MYO1D: variants seen among roughly 807,000 people sequenced by gnomAD.
MYO1D encodes the protein myosin ID.
MYO1D carries 83 observed loss-of-function variants against 122.0 expected under a neutral mutation model. The observed-to-expected ratio is 0.68, with a 90% CI of 0.57 to 0.82. MYO1D has a LOEUF of 0.82. MYO1D is among the 40% of genes least tolerant of loss of function. The probability of loss-of-function intolerance (pLI) is 0.00; values close to 1 mark genes in which losing one functional copy is unlikely to be tolerated. For synonymous variants in MYO1D, 464 were observed against 446.9 expected (o/e 1.04, Z -0.48); for missense variants, 1,157 against 1,269.5 (o/e 0.91, Z 1.35).
chr17:32,747,341 G>A (rs143420079), intron 12 of MYO1D, among the ~76,000 whole-genome samples: 516 of 152,234 alleles, frequency 3.4e-3, no homozygotes, highest in African/African-American at 0.012. Context: ...AAGATGAGGA[G>A]CAGTGTTCAG....
At chr17:32,844,296 ATAT>A (rs938743878) in intron 1 of MYO1D, among the ~76,000 whole-genome samples, 11 of 145,974 alleles carry the variant, frequency 7.5e-5, no homozygotes, top group African/African-American at 2.5e-4. Flanking sequence ...TCATATGTAT[ATAT>A]TATAATATGC....
chr17:32,783,099 T>TC (rs1279099164), intron 1 of MYO1D, among the ~76,000 whole-genome samples: 1 of 150,770 alleles, frequency 6.6e-6, no homozygotes, highest in Non-Finnish European at 1.5e-5. Context: ...CTCAAGTATC[T>TC]CCAAGGAAAA....
intron 16 of MYO1D, among the ~76,000 whole-genome samples, chr17:32,671,368 G>A (rs528057807): frequency 2.6e-4 from 40 of 152,324 alleles, no homozygotes; most frequent in Non-Finnish European, 1.5e-5. Flanking sequence ...TGCCCGGGCT[G>A]CGAGTCTAGC....
chr17:32,733,769 C>T (rs940989782), intron 14 of MYO1D, among the ~76,000 whole-genome samples: 2 of 152,190 alleles, frequency 1.3e-5, no homozygotes, highest in African/African-American at 4.8e-5. Context: ...TGTATTCACT[C>T]AGCTCCTGGC....
chr17:32,510,127 G>A (rs1329078830), intron 21 of MYO1D: 1 of 152,250 alleles, frequency 6.6e-6, no homozygotes, highest in African/African-American at 2.4e-5. Flanking sequence ...CTTGCAGCTG[G>A]AAGGTGAGGC....
At chr17:32,746,633 T>C (rs1444594888) in intron 12 of MYO1D, among the ~76,000 whole-genome samples, 2 of 152,222 alleles carry the variant, frequency 1.3e-5, no homozygotes, top group Non-Finnish European at 2.9e-5. Flanking sequence ...TATATACGTA[T>C]GTATCTTACA....
chr17:32,714,274 C>T (rs1034954289), intron 15 of MYO1D, among the ~76,000 whole-genome samples: 4 of 151,210 alleles, frequency 2.6e-5, no homozygotes, highest in South Asian at 2.1e-4. Flanking sequence ...GATATGTCCA[C>T]GTGTTCTCAT....
chr17:32,737,442 C>T lies in MYO1D; in HGVS notation c.1746+811G>A, dbSNP rs559576655. 4.0e-5 allele frequency among the ~76,000 whole-genome samples: 6 copies of T among 151,810 alleles called. No individual in the cohort carries two copies. The South Asian group carries it at 6.3e-4, about 16-fold the overall frequency. On this transcript the variant is annotated intron_variant, in intron 14 of 21. Transcript: ENST00000318217. ...GTGGTGTGATCTTGGCTCACTGCAA[C>T]CTCTGCCTCCCAGGCTCAAGCGATC... is the stretch of plus-strand genomic sequence containing the variant.
chr17:32,770,527 G>A (rs570101312), intron 6 of MYO1D, among the ~76,000 whole-genome samples: 3 of 152,112 alleles, frequency 2.0e-5, no homozygotes, highest in African/African-American at 7.2e-5. Flanking sequence ...ATAATTAGTT[G>A]TAAAATTACT....
At chr17:32,651,634 C>T (rs1017821310) in intron 19 of MYO1D, among the ~76,000 whole-genome samples, 1 of 150,244 alleles carries the variant, frequency 6.7e-6, no homozygotes, top group African/African-American at 2.4e-5. Flanking sequence ...CTGTTTCACA[C>T]ATTTTGTCCT....
rs1268992247 is a variant in MYO1D, at chr17:32,875,897, G to A, written c.95+881C>T. Among the ~76,000 whole-genome samples, 203 of 152,302 alleles carry A rather than the reference G, an allele frequency of 1.3e-3. 5 individuals are homozygous for A. Among genetic ancestry groups the A allele is most frequent in the Admixed American group, 0.013 (203 of 15,292 alleles). On this transcript the variant is annotated intron_variant, in intron 1 of 21. Coordinates refer to ENST00000318217, the MANE Select transcript of MYO1D (RefSeq NM_015194.3). ...ATTTTGAAATTCCACTTACTTTAAT[G>A]TTTAAGTCAAACTACTTTAAAACTG...
At chr17:32,741,745 C>T (rs116226436) in intron 13 of MYO1D, among the ~76,000 whole-genome samples, 106 of 152,220 alleles carry the variant, frequency 7.0e-4, no homozygotes, top group African/African-American at 2.4e-3. Context: ...TCAACATATA[C>T]CATGGATAGA....
chr17:32,517,324 C>G (rs1352436136), intron 21 of MYO1D, among the ~76,000 whole-genome samples: 1 of 152,198 alleles, frequency 6.6e-6, no homozygotes, highest in Non-Finnish European at 1.5e-5. Context: ...ATGAGCAGTA[C>G]TGAAACAATC....
At chr17:32,678,392 A>C in intron 16 of MYO1D, among the ~76,000 whole-genome samples, 1 of 146,554 alleles carries the variant, frequency 6.8e-6, no homozygotes, top group African/African-American at 2.5e-5. Flanking sequence ...ATATCTCCCG[A>C]TGCTATCCCT....
At position 32,654,531 on chromosome 17, in the gene MYO1D, A is replaced by G. The variant is rs755343768; in HGVS notation, c.2436T>C (p.Gly812=). ...AKVAAVEMLK[G]QRADLGLQRA... ...TCTGGAGCCCGAGGTCAGCCCTTTG[A>G]CCCTTCAACATTTCCACGGCTGCAA... The change falls in exon 18 of 22, where the codon GGT becomes GGC. Residue 812 remains glycine, a synonymous_variant. Transcript: ENST00000318217. 7 of 1,613,824 alleles carry G rather than the reference A, an allele frequency of 4.3e-6. No individual in the cohort carries two copies. Among genetic ancestry groups the G allele is most frequent in the Non-Finnish European group, 5.1e-6 (6 of 1,179,958 alleles).
At chr17:32,819,742 G>A (rs1598125661) in intron 1 of MYO1D, among the ~76,000 whole-genome samples, 1 of 152,102 alleles carries the variant, frequency 6.6e-6, no homozygotes, top group Non-Finnish European at 1.5e-5. Context: ...TACCATTTAT[G>A]AAGCTTTGAG....
intron 1 of MYO1D, among the ~76,000 whole-genome samples, chr17:32,844,532 G>GT (rs1271276997): frequency 6.6e-6 from 1 of 151,348 alleles, no homozygotes; most frequent in Non-Finnish European, 1.5e-5. Context: ...CCAGCCTGGG[G>GT]AACATAGCAA....
chr17:32,537,157 G>T (rs1910687985), intron 21 of MYO1D, among the ~76,000 whole-genome samples: 1 of 152,148 alleles, frequency 6.6e-6, no homozygotes, highest in Admixed American at 6.5e-5. Context: ...TCAGTCCCGT[G>T]TGGCCCATGT....
intron 16 of MYO1D, among the ~76,000 whole-genome samples, chr17:32,679,280 A>T (rs1258056927): frequency 6.6e-6 from 1 of 151,148 alleles, no homozygotes; most frequent in Non-Finnish European, 1.5e-5. Flanking sequence ...CCCATTTGTC[A>T]ATTTTGTCTT....
Sources: allele counts gnomAD v4.1 joint callset (sites outside exome capture counted in the v4.1 genomes callset), GRCh38; gene constraint gnomAD v4.1.1; transcripts MANE v1.5; gene names NCBI Gene and HGNC (gene_info 2026-07-23, HGNC 2026-07-21).